Variants in IMMP2L observed in about 807,000 individuals in gnomAD.
IMMP2L encodes inner mitochondrial membrane peptidase subunit 2, also known as mitochondrial inner membrane protease subunit 2.
A neutral mutation model predicts 19.3 loss-of-function variants in IMMP2L; 18 were observed. The observed-to-expected ratio is 0.93, with a 90% CI of 0.64 to 1.38. IMMP2L has a LOEUF of 1.38. Ranked by LOEUF, IMMP2L falls within the 40% of genes most tolerant of loss-of-function variation. The pLI is 0.00. For missense variants in IMMP2L, 233 were observed against 218.2 expected (o/e 1.07, Z -0.43); for synonymous variants, 76 against 73.0 (o/e 1.04, Z -0.21).
chr7:110,935,688 G>GA (rs1427717545), intron 4 of IMMP2L, among the ~76,000 whole-genome samples: 2 of 151,938 alleles, frequency 1.3e-5, no homozygotes, highest in Non-Finnish European at 2.9e-5. Flanking sequence ...CACAGAATTA[G>GA]AAAAAAATGA....
chr7:111,335,461 C>T (rs1339287932), intron 3 of IMMP2L, among the ~76,000 whole-genome samples: 1 of 152,008 alleles, frequency 6.6e-6, no homozygotes, highest in South Asian at 2.1e-4. Flanking sequence ...TTATATAGAA[C>T]AACTCAAAAT....
intron 5 of IMMP2L, among the ~76,000 whole-genome samples, chr7:110,687,144 T>A (rs2130504005): frequency 6.6e-6 from 1 of 152,206 alleles, no homozygotes; most frequent in African/African-American, 2.4e-5. Context: ...CCAGCATGGT[T>A]ACTCTGTATT....
chr7:111,348,971 T>C (rs79043949), intron 3 of IMMP2L, among the ~76,000 whole-genome samples: 7,139 of 152,242 alleles, frequency 0.047, 235 homozygotes, highest in South Asian at 0.081. Flanking sequence ...TTTATTTCCT[T>C]CCCAAGTAGA....
At chr7:111,414,609 T>C (rs989251467) in intron 3 of IMMP2L, among the ~76,000 whole-genome samples, 3 of 151,848 alleles carry the variant, frequency 2.0e-5, no homozygotes, top group Non-Finnish European at 4.4e-5. Flanking sequence ...TGACATGCAT[T>C]TGTCAAAATC....
Position 110,877,621 on chromosome 7 carries a change from T to C in IMMP2L, c.408+8972A>G, listed in dbSNP as rs1483950953. Among the ~76,000 whole-genome samples, 1 of 152,200 alleles carries C rather than the reference T, an allele frequency of 6.6e-6. No homozygotes were observed. Among genetic ancestry groups the C allele is most frequent in the Non-Finnish European group, 1.5e-5 (1 of 68,030 alleles). ...CAGGATCAAAAGGGTTTGACTGCCCTGCTAATGACTTTACACTAGCTATTT... is the reference window on the plus strand; with the variant it reads ...CAGGATCAAAAGGGTTTGACTGCCCCGCTAATGACTTTACACTAGCTATTT... On this transcript the variant is annotated intron_variant, in intron 5 of 5. Coordinates refer to ENST00000405709, the MANE Select transcript of IMMP2L (RefSeq NM_032549.4). The surrounding 1 kb of genome is among the most constrained non-coding windows in gnomAD (Gnocchi z 4.0).
At chr7:111,274,276 C>T (rs1017934572) in intron 3 of IMMP2L, among the ~76,000 whole-genome samples, 6 of 152,058 alleles carry the variant, frequency 3.9e-5, no homozygotes, top group African/African-American at 1.4e-4. Flanking sequence ...TAATATGAAA[C>T]ATTAAAACTT....
At chr7:110,767,844 C>T (rs1197501459) in intron 5 of IMMP2L, among the ~76,000 whole-genome samples, 1 of 152,134 alleles carries the variant, frequency 6.6e-6, no homozygotes, top group Admixed American at 6.6e-5. Context: ...TTGTTAAAAC[C>T]CATTGCTTTT....
At chr7:110,763,365 A>G (rs1798465657) in intron 5 of IMMP2L, among the ~76,000 whole-genome samples, 1 of 152,118 alleles carries the variant, frequency 6.6e-6, no homozygotes, top group Non-Finnish European at 1.5e-5. Flanking sequence ...TGATTCATTC[A>G]TTCACTTATT....
intron 4 of IMMP2L, among the ~76,000 whole-genome samples, chr7:110,903,204 A>G (rs975055890): frequency 5.3e-5 from 8 of 152,200 alleles, no homozygotes; most frequent in African/African-American, 1.9e-4. Context: ...ATTTGAGTAT[A>G]CGTGGTATGT....
chr7:111,472,090 A>C (rs1247097780), intron 3 of IMMP2L, among the ~76,000 whole-genome samples: 1 of 152,138 alleles, frequency 6.6e-6, no homozygotes, highest in Non-Finnish European at 1.5e-5. Flanking sequence ...TAATCTCCAT[A>C]AGAGTATCCT....
chr7:111,325,688 C>T (rs1475865428), intron 3 of IMMP2L, among the ~76,000 whole-genome samples: 1 of 151,588 alleles, frequency 6.6e-6, no homozygotes, highest in East Asian at 1.9e-4. Context: ...ATTCCTGAAT[C>T]AAAGGATGTA....
chr7:111,538,049 C>T (rs765312775), intron 1 of IMMP2L, among the ~76,000 whole-genome samples: 1 of 152,108 alleles, frequency 6.6e-6, no homozygotes, highest in Non-Finnish European at 1.5e-5. Flanking sequence ...CCAAATCTGA[C>T]TTAGATTTCC....
At chr7:111,305,508 G>A (rs1822770055) in intron 3 of IMMP2L, among the ~76,000 whole-genome samples, 1 of 150,760 alleles carries the variant, frequency 6.6e-6, no homozygotes, top group African/African-American at 2.4e-5. Context: ...TTATATATCA[G>A]TAATACCAGA....
chr7:111,525,944 A>G (rs1036174688), intron 1 of IMMP2L, among the ~76,000 whole-genome samples: 3 of 152,124 alleles, frequency 2.0e-5, no homozygotes, highest in Non-Finnish European at 4.4e-5. Flanking sequence ...AAGGCTGTCT[A>G]TTCATCAGAA....
At chr7:111,358,681 A>T (rs1234188851) in intron 3 of IMMP2L, among the ~76,000 whole-genome samples, 1 of 152,094 alleles carries the variant, frequency 6.6e-6, no homozygotes, top group Non-Finnish European at 1.5e-5. Context: ...AAATTTCTAT[A>T]GTTTTTGCAC....
At chr7:111,194,838 C>G (rs567474762) in intron 3 of IMMP2L, among the ~76,000 whole-genome samples, 42 of 152,258 alleles carry the variant, frequency 2.8e-4, no homozygotes, top group African/African-American at 8.9e-4. Flanking sequence ...CTACTTAGCT[C>G]TACCCAGTAT....
chr7:110,815,835 C>T (rs951102832), intron 5 of IMMP2L, among the ~76,000 whole-genome samples: 35 of 151,614 alleles, frequency 2.3e-4, no homozygotes, highest in South Asian at 2.1e-3. Flanking sequence ...TTTTTTATTC[C>T]GTCTATTTGA....
chr7:110,810,950 C>T (rs1801993986), intron 5 of IMMP2L, among the ~76,000 whole-genome samples: 1 of 151,938 alleles, frequency 6.6e-6, no homozygotes, highest in African/African-American at 2.4e-5. Flanking sequence ...AAACCACTTC[C>T]ATTTCTATCA....
At chr7:110,817,177 TG>T (rs1802599592) in intron 5 of IMMP2L, among the ~76,000 whole-genome samples, 1 of 152,148 alleles carries the variant, frequency 6.6e-6, no homozygotes, top group Non-Finnish European at 1.5e-5. Context: ...TAATTGTCCC[TG>T]TTTGCAGATG....
Sources: allele counts gnomAD v4.1 joint callset (sites outside exome capture counted in the v4.1 genomes callset), GRCh38; gene constraint gnomAD v4.1.1; non-coding constraint Gnocchi (gnomAD v3.1); transcripts MANE v1.5; gene names NCBI Gene and HGNC (gene_info 2026-07-23, HGNC 2026-07-21).